Variants in RALYL observed in about 807,000 individuals in gnomAD.
RALYL encodes RNA-binding Raly-like protein.
In RALYL, 29 loss-of-function variants were observed where a neutral mutation model predicts 35.1. The ratio of observed to expected loss-of-function variants is 0.83; its 90% CI spans 0.61 to 1.13. The LOEUF (loss-of-function observed/expected upper bound fraction) is 1.13. RALYL is among the 50% of genes most tolerant of loss of function. The pLI, the probability that RALYL is intolerant of heterozygous loss-of-function variation, is 0.00. For synonymous variants in RALYL, 120 were observed against 127.6 expected (o/e 0.94, Z 0.40); for missense variants, 359 against 360.4 (o/e 1.00, Z 0.03).
intron 6 of RALYL, among the ~76,000 whole-genome samples, chr8:84,872,005 A>C: frequency 6.6e-6 from 1 of 152,158 alleles, no homozygotes. Context: ...TTTCCTCAGA[A>C]ATTTCTGGGG....
rs192837735 is a variant in RALYL, at chr8:84,898,668, G to A, written c.858+10892G>A. On this transcript the variant is annotated intron_variant, in intron 8 of 8. Transcript: ENST00000521268. ...AATTGGCTGCTATAACTAAATGCTG[G>A]CAAGGAAGTGGAGCACTAGTGTATC... Among the ~76,000 whole-genome samples the A allele has an allele frequency of 4.6e-5, 7 of 152,258 alleles. No homozygotes were observed. In the East Asian group the frequency reaches 7.7e-4, roughly 17 times the overall value.
At chr8:84,425,077 C>T (rs2046202434) in intron 1 of RALYL, among the ~76,000 whole-genome samples, 1 of 152,226 alleles carries the variant, frequency 6.6e-6, no homozygotes, top group South Asian at 2.1e-4. Flanking sequence ...GTGGGCTCCA[C>T]CCAGTTCGAG....
At chr8:84,581,157 G>C (rs1810741007) in intron 2 of RALYL, among the ~76,000 whole-genome samples, 1 of 152,144 alleles carries the variant, frequency 6.6e-6, no homozygotes, top group South Asian at 2.1e-4. Context: ...TTATCAGACT[G>C]TGCCTTTGAA....
At chr8:84,746,296 G>A (rs2133131758) in intron 2 of RALYL, among the ~76,000 whole-genome samples, 1 of 152,018 alleles carries the variant, frequency 6.6e-6, no homozygotes, top group East Asian at 1.9e-4. Flanking sequence ...GTTGGCATAG[G>A]TACTACATTT....
intron 2 of RALYL, among the ~76,000 whole-genome samples, chr8:84,677,279 T>C (rs1834410751): frequency 6.6e-6 from 1 of 152,150 alleles, no homozygotes; most frequent in Non-Finnish European, 1.5e-5. Context: ...AATAGACCAA[T>C]AAAAAGTTAA....
At chr8:84,802,245 T>TATTA (rs1289677292) in intron 3 of RALYL, among the ~76,000 whole-genome samples, 1 of 152,170 alleles carries the variant, frequency 6.6e-6, no homozygotes, top group African/African-American at 2.4e-5. Flanking sequence ...CACAAAATAT[T>TATTA]ATTACTCTTC....
intron 1 of RALYL, among the ~76,000 whole-genome samples, chr8:84,279,319 A>G (rs1458906309): frequency 1.3e-5 from 2 of 152,124 alleles, no homozygotes; most frequent in Admixed American, 1.3e-4. Context: ...ATCACTTACT[A>G]TGTTTGGGAT....
intron 3 of RALYL, among the ~76,000 whole-genome samples, chr8:84,804,178 ACCACAACC>A (rs1174687110): frequency 6.6e-6 from 1 of 152,208 alleles, no homozygotes; most frequent in African/African-American, 2.4e-5. Flanking sequence ...TCTCAAATGA[ACCACAACC>A]TTCAGGATTA....
chr8:84,764,602 G>T (rs1813473814), intron 2 of RALYL, among the ~76,000 whole-genome samples: 1 of 152,160 alleles, frequency 6.6e-6, no homozygotes, highest in African/African-American at 2.4e-5. Context: ...CTGGGAGCAT[G>T]GAGAATTTTC....
chr8:84,403,514 C>A (rs1221027801), intron 1 of RALYL, among the ~76,000 whole-genome samples: 1 of 72,980 alleles, frequency 1.4e-5, no homozygotes, highest in South Asian at 4.9e-4. Context: ...TTCCATTGGT[C>A]TATATCTCTG....
chr8:84,650,495 A>C (rs1828525711), intron 2 of RALYL, among the ~76,000 whole-genome samples: 1 of 152,166 alleles, frequency 6.6e-6, no homozygotes, highest in Non-Finnish European at 1.5e-5. Context: ...TGGCCATCAG[A>C]GAAATGCAAA....
chr8:84,457,044 C>A (rs1011829516), intron 1 of RALYL, among the ~76,000 whole-genome samples: 5 of 151,930 alleles, frequency 3.3e-5, no homozygotes, highest in African/African-American at 1.2e-4. Flanking sequence ...ACTGACAATG[C>A]AAATGCTTAT....
chr8:84,540,927 T>G (rs938224630), intron 2 of RALYL, among the ~76,000 whole-genome samples: 5 of 152,048 alleles, frequency 3.3e-5, no homozygotes, highest in Admixed American at 2.6e-4. Context: ...TGATACACAT[T>G]ATCAAATATA....
intron 2 of RALYL, among the ~76,000 whole-genome samples, chr8:84,752,269 G>T (rs948003861): frequency 6.6e-6 from 1 of 152,150 alleles, no homozygotes; most frequent in Non-Finnish European, 1.5e-5. Flanking sequence ...TAGGTTATCT[G>T]GCAGAAGAAA....
At chr8:84,369,931 G>A (rs1182549911) in intron 1 of RALYL, among the ~76,000 whole-genome samples, 3 of 151,962 alleles carry the variant, frequency 2.0e-5, no homozygotes, top group South Asian at 4.1e-4. Flanking sequence ...CAAAACAGAC[G>A]GATTAGAGAC....
chr8:84,790,419 C>A (rs1216430382), intron 3 of RALYL, among the ~76,000 whole-genome samples: 1 of 152,116 alleles, frequency 6.6e-6, no homozygotes. Flanking sequence ...GATCTGAAGC[C>A]TGGAGGGATG....
At chr8:84,303,051 G>T (rs1018637204) in intron 1 of RALYL, among the ~76,000 whole-genome samples, 3 of 152,076 alleles carry the variant, frequency 2.0e-5, no homozygotes, top group Admixed American at 6.6e-5. Context: ...TGCTGTTGAG[G>T]TTAGGACACA....
chr8:84,674,576 C>T (rs374303053), intron 2 of RALYL, among the ~76,000 whole-genome samples: 12 of 152,232 alleles, frequency 7.9e-5, no homozygotes, highest in African/African-American at 2.9e-4. Flanking sequence ...CTTCCTACTC[C>T]TTCCAAAGGC....
At chr8:84,840,399 T>A (rs900999313) in intron 4 of RALYL, among the ~76,000 whole-genome samples, 1 of 151,754 alleles carries the variant, frequency 6.6e-6, no homozygotes, top group Non-Finnish European at 1.5e-5. Context: ...TGAAATGAAG[T>A]GAGAAGAGAA....
Sources: allele counts gnomAD v4.1 joint callset (sites outside exome capture counted in the v4.1 genomes callset), GRCh38; gene constraint gnomAD v4.1.1; transcripts MANE v1.5; gene names NCBI Gene and HGNC (gene_info 2026-07-23, HGNC 2026-07-21).